ARHGAP8: variants seen among roughly 807,000 people sequenced by gnomAD.
The protein encoded by ARHGAP8 is rho GTPase-activating protein 8.
A neutral mutation model predicts 46.1 loss-of-function variants in ARHGAP8; 62 were observed. That is an observed-to-expected ratio of 1.34 (90% confidence interval 1.10 to 1.66). The LOEUF is 1.66. Ranked by LOEUF, ARHGAP8 falls within the 40% of genes most tolerant of loss-of-function variation. The pLI is 0.00. For synonymous variants in ARHGAP8, 375 were observed against 243.1 expected (o/e 1.54, Z -5.05); for missense variants, 923 against 568.4 (o/e 1.62, Z -6.34).
At chr22:44,814,442 T>C (rs948493767) in intron 4 of ARHGAP8, among the ~76,000 whole-genome samples, 2 of 152,186 alleles carry the variant, frequency 1.3e-5, no homozygotes, top group Non-Finnish European at 2.9e-5. Flanking sequence ...GACTTGCAGC[T>C]GTGCCTCGGC....
chr22:44,764,836 A>G (rs1029906007), intron 1 of ARHGAP8, among the ~76,000 whole-genome samples: 1 of 152,134 alleles, frequency 6.6e-6, no homozygotes, highest in Non-Finnish European at 1.5e-5. Flanking sequence ...TGCGAGAGGG[A>G]GCTGAGAGTG....
intron 2 of ARHGAP8, among the ~76,000 whole-genome samples, chr22:44,797,112 C>T (rs1360766326): frequency 6.6e-6 from 1 of 152,180 alleles, no homozygotes; most frequent in Non-Finnish European, 1.5e-5. Flanking sequence ...ATACAGTGGG[C>T]CCCCAACAAA....
intron 10 of ARHGAP8, among the ~76,000 whole-genome samples, chr22:44,853,766 G>A (rs1464204879): frequency 2.0e-5 from 3 of 152,054 alleles, no homozygotes; most frequent in South Asian, 2.1e-4. Flanking sequence ...GGTGGTTCAC[G>A]CCTGTAATCC....
chr22:44,793,228 G>A (rs1367740898), intron 2 of ARHGAP8, among the ~76,000 whole-genome samples: 2 of 152,142 alleles, frequency 1.3e-5, no homozygotes, highest in African/African-American at 2.4e-5. Flanking sequence ...GGCTGAGGCT[G>A]GGAGCTCAGA....
In ARHGAP8 at chr22:44,859,842, G is replaced by A. The variant is rs779168488; in HGVS notation, c.981+8G>A. On this transcript the variant is annotated splice_region_variant and intron_variant, in intron 11 of 11. Coordinates refer to ENST00000356099, the MANE Select transcript of ARHGAP8 (RefSeq NM_181335.3). ...ATGGGCTTCCTGCATGCGGTGAGTG[G>A]GGAAGGGGGGAGCTTGGGGTGAAGC... is the stretch of plus-strand genomic sequence containing the variant. 1.4e-4 allele frequency: 233 copies of A among 1,612,640 alleles called. No homozygotes were observed. The highest frequency in any genetic ancestry group is 1.4e-4 in the South Asian group (13 of 91,018).
chr22:44,757,805 A>ATTTTTTTTTT (rs132444), intron 1 of ARHGAP8, among the ~76,000 whole-genome samples: 2 of 137,010 alleles, frequency 1.5e-5, no homozygotes, highest in Non-Finnish European at 1.6e-5. Flanking sequence ...TGCCTGGCTA[A>ATTTTTTTTTT]TTTTTTTTTT....
intron 2 of ARHGAP8, among the ~76,000 whole-genome samples, chr22:44,793,916 G>A (rs559953221): frequency 6.6e-6 from 1 of 152,332 alleles, no homozygotes; most frequent in South Asian, 2.1e-4. Flanking sequence ...CACAGATGCG[G>A]CATTGATGGC....
At chr22:44,858,734 TG>T (rs562188438) in intron 10 of ARHGAP8, among the ~76,000 whole-genome samples, 1 of 119,160 alleles carries the variant, frequency 8.4e-6, no homozygotes, top group South Asian at 2.4e-4. Context: ...TAAGGGTAAC[TG>T]GGGGGTCTCA....
chr22:44,820,030 G>A (rs2147112622), intron 5 of ARHGAP8, among the ~76,000 whole-genome samples: 2 of 152,314 alleles, frequency 1.3e-5, no homozygotes, highest in Middle Eastern at 6.8e-3. Flanking sequence ...TAACCTCTCT[G>A]TTTCCCAAGT....
intron 5 of ARHGAP8, among the ~76,000 whole-genome samples, chr22:44,821,186 C>G (rs924568008): frequency 6.6e-6 from 1 of 152,106 alleles, no homozygotes; most frequent in Non-Finnish European, 1.5e-5. Context: ...AATCCCAGCA[C>G]TTTGGGAGGC....
At chr22:44,841,922 C>T (rs1364831071) in intron 7 of ARHGAP8, among the ~76,000 whole-genome samples, 1 of 152,168 alleles carries the variant, frequency 6.6e-6, no homozygotes, top group African/African-American at 2.4e-5. Context: ...CGCTTGTTGA[C>T]GGCACCACAG....
Position 44,862,607 on chromosome 22 carries a change from CTCTG to C in ARHGAP8, c.*14_*17del, listed in dbSNP as rs778963000. ...GAAGACGTCTCTAGTGTTGCGAACA[CTCTG>C]TATATTTCGAGCTACCTCCCACACC... On this transcript the variant is annotated 3_prime_UTR_variant, in exon 12 of 12. Coordinates refer to ENST00000356099, the MANE Select transcript of ARHGAP8 (RefSeq NM_181335.3). 2.4e-4 allele frequency: 375 copies of C among 1,536,574 alleles called. No homozygotes were observed. Among genetic ancestry groups the C allele is most frequent in the Non-Finnish European group, 3.1e-4 (349 of 1,140,688 alleles).
At chr22:44,793,074 A>G (rs6007302) in intron 2 of ARHGAP8, among the ~76,000 whole-genome samples, 72,948 of 151,900 alleles carry the variant, frequency 0.48, 17,990 homozygotes, top group East Asian at 0.63. Context: ...CTCCCACCTT[A>G]GCCTCCCAAA....
intron 2 of ARHGAP8, among the ~76,000 whole-genome samples, chr22:44,795,820 G>T (rs976480914): frequency 2.6e-5 from 4 of 152,050 alleles, no homozygotes; most frequent in African/African-American, 9.7e-5. Flanking sequence ...CACCCAGTCT[G>T]GGGGGCTGCT....
At chr22:44,782,926 C>T (rs1926949229) in intron 1 of ARHGAP8, among the ~76,000 whole-genome samples, 1 of 152,170 alleles carries the variant, frequency 6.6e-6, no homozygotes, top group African/African-American at 2.4e-5. Flanking sequence ...AGCACTGAAA[C>T]ATCAGGAGGC....
chr22:44,828,316 G>A (rs1321016595), intron 7 of ARHGAP8, among the ~76,000 whole-genome samples: 1 of 152,128 alleles, frequency 6.6e-6, no homozygotes, highest in Non-Finnish European at 1.5e-5. Flanking sequence ...CACCCCTTAG[G>A]GGCCGCCCAG....
intron 1 of ARHGAP8, among the ~76,000 whole-genome samples, chr22:44,777,998 TTTTATTTATTTA>T (rs59802896): frequency 0.011 from 1,600 of 143,778 alleles, 30 homozygotes; most frequent in African/African-American, 0.035. Context: ...GCCTGGACTA[TTTTATTTATTTA>T]TTTATTTATT....
At chr22:44,789,470 C>T (rs1229362678) in intron 2 of ARHGAP8, among the ~76,000 whole-genome samples, 4 of 151,624 alleles carry the variant, frequency 2.6e-5, no homozygotes, top group African/African-American at 9.7e-5. Context: ...TTACTAGGAG[C>T]ATATATACTT....
intron 5 of ARHGAP8, among the ~76,000 whole-genome samples, chr22:44,816,907 C>T (rs1262445429): frequency 1.7e-5 from 2 of 120,212 alleles, no homozygotes; most frequent in East Asian, 2.5e-4. Flanking sequence ...TTTTTTGAGA[C>T]GAAGTCTCGC....
Sources: allele counts gnomAD v4.1 joint callset (sites outside exome capture counted in the v4.1 genomes callset), GRCh38; gene constraint gnomAD v4.1.1; transcripts MANE v1.5; gene names NCBI Gene and HGNC (gene_info 2026-07-23, HGNC 2026-07-21).